Variants in ROBO2 observed in about 807,000 individuals in gnomAD.
ROBO2 encodes the protein roundabout homolog 2.
ROBO2 carries 53 observed loss-of-function variants against 160.8 expected under a neutral mutation model. That is an observed-to-expected ratio of 0.33 (90% CI 0.26 to 0.41). The LOEUF is 0.41. Among genes scored for constraint, ROBO2 ranks in the 10% least tolerant of loss-of-function variants. The pLI, the probability that ROBO2 is intolerant of heterozygous loss-of-function variation, is 1.00. For missense variants in ROBO2, 1,577 were observed against 1,722.4 expected (o/e 0.92, Z 1.49); for synonymous variants, 664 against 611.7 (o/e 1.09, Z -1.26).
intron 20 of ROBO2, among the ~76,000 whole-genome samples, chr3:77,604,949 C>G (rs1024692068): frequency 6.6e-6 from 1 of 151,528 alleles, no homozygotes; most frequent in Non-Finnish European, 1.5e-5. Context: ...AAAATCTAAC[C>G]ATTAAAAATA....
chr3:77,637,296 T>C (rs2153718929), intron 24 of ROBO2, among the ~76,000 whole-genome samples: 1 of 152,270 alleles, frequency 6.6e-6, no homozygotes, highest in Non-Finnish European at 1.5e-5. Context: ...AGAAAAGCAT[T>C]GGTTTTTTAT....
At chr3:77,250,867 C>G (rs533220761) in intron 2 of ROBO2, among the ~76,000 whole-genome samples, 50 of 152,324 alleles carry the variant, frequency 3.3e-4, no homozygotes, top group African/African-American at 1.2e-3. Flanking sequence ...TTAATCCATT[C>G]ATGAGGGCGG....
At chr3:77,099,915 C>G (rs1028187155) in intron 2 of ROBO2, among the ~76,000 whole-genome samples, 6 of 151,830 alleles carry the variant, frequency 4.0e-5, no homozygotes, top group Non-Finnish European at 8.8e-5. Context: ...AAGAAACACT[C>G]TAAATGAAAT....
exon 26 of ROBO2, chr3:77,647,578 A>G (rs1273499732): frequency 6.6e-6 from 1 of 152,146 alleles, no homozygotes; most frequent in African/African-American, 2.4e-5. Flanking sequence ...TTAGTCATGT[A>G]TGCTCAGAAT....
chr3:77,165,434 C>A (rs905865754), intron 2 of ROBO2, among the ~76,000 whole-genome samples: 1 of 148,546 alleles, frequency 6.7e-6, no homozygotes, highest in Admixed American at 6.8e-5. Flanking sequence ...CGGAAGGCCG[C>A]AGGGTCCTCT....
intron 2 of ROBO2, among the ~76,000 whole-genome samples, chr3:76,820,942 A>T (rs2066069233): frequency 6.6e-6 from 1 of 151,958 alleles, no homozygotes; most frequent in Non-Finnish European, 1.5e-5. Context: ...GTTGATGAAA[A>T]TATATAAAGA....
At chr3:76,252,285 G>A (rs1391164143) in intron 2 of ROBO2, among the ~76,000 whole-genome samples, 1 of 152,072 alleles carries the variant, frequency 6.6e-6, no homozygotes, top group African/African-American at 2.4e-5. Context: ...TGAACCAAGA[G>A]TGGGTTCATT....
intron 2 of ROBO2, among the ~76,000 whole-genome samples, chr3:77,216,652 C>T (rs541345865): frequency 2.6e-5 from 4 of 152,298 alleles, no homozygotes; most frequent in South Asian, 2.1e-4. Context: ...AGAAATCACT[C>T]GTCTTCTGCG....
chr3:76,081,884 A>C (rs1304298103), intron 2 of ROBO2, among the ~76,000 whole-genome samples: 3 of 152,044 alleles, frequency 2.0e-5, no homozygotes, highest in Non-Finnish European at 4.4e-5. Context: ...AAGAAAAGAT[A>C]AAGGAAAACC....
intron 2 of ROBO2, among the ~76,000 whole-genome samples, chr3:76,047,373 G>A (rs1010809624): frequency 1.3e-5 from 2 of 152,200 alleles, no homozygotes; most frequent in East Asian, 3.8e-4. Flanking sequence ...GTTCATTAAA[G>A]CTAATATTCA....
chr3:75,960,372 C>G (rs1948867995), intron 2 of ROBO2, among the ~76,000 whole-genome samples: 1 of 151,658 alleles, frequency 6.6e-6, no homozygotes, highest in Non-Finnish European at 1.5e-5. Flanking sequence ...TGGGGCCATA[C>G]CTAGTGAACA....
At chr3:77,060,225 G>C (rs1026337035) in intron 1 of ROBO2, among the ~76,000 whole-genome samples, 2 of 152,134 alleles carry the variant, frequency 1.3e-5, no homozygotes, top group Admixed American at 6.5e-5. Flanking sequence ...CACAGATCAG[G>C]AATGAGGGTT....
chr3:77,277,149 CTTCTTTCCTTCTTTCTTTCT>C (rs1460354356), intron 2 of ROBO2, among the ~76,000 whole-genome samples: 7 of 100,072 alleles, frequency 7.0e-5, no homozygotes, highest in African/African-American at 2.2e-4. Flanking sequence ...TCCTTCTTTC[CTTCTTTCCTTCTTTCTTTCT>C]TTCTTTCTTT....
At chr3:76,879,064 A>G (rs1196076278) in intron 2 of ROBO2, among the ~76,000 whole-genome samples, 2 of 152,182 alleles carry the variant, frequency 1.3e-5, no homozygotes, top group African/African-American at 2.4e-5. Context: ...TGTAAATGTC[A>G]ATCGGAGAAA....
At chr3:77,449,065 A>T (rs1395095806) in intron 2 of ROBO2, among the ~76,000 whole-genome samples, 1 of 152,174 alleles carries the variant, frequency 6.6e-6, no homozygotes, top group Non-Finnish European at 1.5e-5. Flanking sequence ...ATTTCTAAGC[A>T]TACTGAGTAT....
At chr3:76,341,419 T>TAA (rs71277587) in intron 2 of ROBO2, among the ~76,000 whole-genome samples, 126 of 44,178 alleles carry the variant, frequency 2.9e-3, no homozygotes, top group African/African-American at 5.8e-3. Context: ...TTTTAAAGCG[T>TAA]AAAAAAAAAA....
intron 2 of ROBO2, among the ~76,000 whole-genome samples, chr3:76,239,992 G>T (rs976885952): frequency 2.0e-5 from 3 of 152,134 alleles, no homozygotes; most frequent in Admixed American, 1.3e-4. Context: ...CATGGTACAC[G>T]ATGAGAAAAG....
intron 2 of ROBO2, among the ~76,000 whole-genome samples, chr3:76,386,875 G>T (rs888256254): frequency 6.6e-6 from 1 of 152,060 alleles, no homozygotes; most frequent in Non-Finnish European, 1.5e-5. Context: ...AGCATGATAG[G>T]GTAGCTGTGG....
intron 2 of ROBO2, among the ~76,000 whole-genome samples, chr3:76,964,741 C>A (rs377613536): frequency 7.9e-5 from 12 of 152,286 alleles, no homozygotes; most frequent in African/African-American, 2.9e-4. Context: ...AGTATTTATT[C>A]TACACTATAA....
Sources: allele counts gnomAD v4.1 joint callset (sites outside exome capture counted in the v4.1 genomes callset), GRCh38; gene constraint gnomAD v4.1.1; transcripts MANE v1.5; gene names NCBI Gene and HGNC (gene_info 2026-07-23, HGNC 2026-07-21).